The following SUSD1 variants were observed in gnomAD, a reference collection of about 807,000 sequenced individuals.
The protein encoded by SUSD1 is sushi domain-containing protein 1.
A neutral mutation model predicts 86.9 loss-of-function variants in SUSD1; 65 were observed. The ratio of observed to expected loss-of-function variants is 0.75; its 90% CI spans 0.61 to 0.92. The LOEUF (loss-of-function observed/expected upper bound fraction) is 0.92, where lower values mean the gene tolerates loss of function less well. SUSD1 is among the 40% of genes least tolerant of loss of function. The pLI, the probability that SUSD1 is intolerant of heterozygous loss-of-function variation, is 0.00. For missense variants in SUSD1, 850 were observed against 929.7 expected (o/e 0.91, Z 1.11); for synonymous variants, 346 against 350.0 (o/e 0.99, Z 0.13).
chr9:112,058,008 T>C (rs1047994028), intron 14 of SUSD1, among the ~76,000 whole-genome samples: 3 of 152,200 alleles, frequency 2.0e-5, no homozygotes, highest in Admixed American at 6.5e-5. Context: ...ATGCCATAGC[T>C]GCGGAAGGGA....
In SUSD1 at chr9:112,058,650, T is replaced by C. The variant is rs1317478543; in HGVS notation, c.1887A>G (p.Gln629=). 1.2e-6 allele frequency: 2 copies of C among 1,614,092 alleles called. No homozygotes were observed. The highest frequency in any genetic ancestry group is 1.3e-5 in the African/African-American group (1 of 75,032). Reference sequence around the variant, plus strand: ...CTTCAGAATCACAAGAAAATGTGCTTTGGAGGGCCAGGGGAAGCACTAACA... The same window carrying C: ...CTTCAGAATCACAAGAAAATGTGCTCTGGAGGGCCAGGGGAAGCACTAACA... ...YQVLVLPLAL[Q]STFSCDSEGA... The change falls in exon 14 of 17, where the codon CAA becomes CAG. Residue 629 remains glutamine (Q), a synonymous_variant. Transcript: ENST00000374270.
chr9:112,096,183 G>C (rs571715549), intron 10 of SUSD1, among the ~76,000 whole-genome samples: 45 of 152,236 alleles, frequency 3.0e-4, no homozygotes, highest in Admixed American at 2.4e-3. Flanking sequence ...GTAACAACAG[G>C]CTTCTTTCTG....
In SUSD1 at chr9:112,078,816, T is replaced by G; in HGVS notation, c.1567-92A>C. 3.9e-6 allele frequency: 4 copies of G among 1,027,978 alleles called. No individual in the cohort carries two copies. In the African/African-American group the frequency reaches 6.9e-5, roughly 18 times the overall value. 63.7% of individuals were successfully genotyped at this position (1,027,978 alleles called of 1,614,324 possible). On this transcript the variant is annotated intron_variant, in intron 11 of 16. Transcript: ENST00000374270. ...CCCTTTTCCTTTTTCTTTCTCTTTT[T>G]TTTTTTTTTTTTTTGAGATGGGGGC...
chr9:112,061,332 C>T (rs1285335389), intron 13 of SUSD1, among the ~76,000 whole-genome samples: 1 of 152,188 alleles, frequency 6.6e-6, no homozygotes, highest in Non-Finnish European at 1.5e-5. Context: ...TTAGGAAAAC[C>T]ACCCTGCCTG....
intron 12 of SUSD1, among the ~76,000 whole-genome samples, chr9:112,065,448 C>T (rs1416274930): frequency 6.6e-6 from 1 of 152,170 alleles, no homozygotes; most frequent in African/African-American, 2.4e-5. Flanking sequence ...TTGCTTGAAG[C>T]TGGGAGGCAG....
At chr9:112,068,654 A>G (rs1829101298) in intron 12 of SUSD1, among the ~76,000 whole-genome samples, 1 of 151,194 alleles carries the variant, frequency 6.6e-6, no homozygotes, top group South Asian at 2.1e-4. Context: ...GTGAGCCAAG[A>G]TTGCACCACT....
Position 112,041,257 on chromosome 9 carries a change from A to G in SUSD1, c.*235T>C, listed in dbSNP as rs1827722470. On this transcript the variant is annotated 3_prime_UTR_variant, in exon 17 of 17. Transcript: ENST00000374270. Reference sequence around the variant, plus strand: ...AGGAGTCTCAAGTTCATTGCACAGAACTGGTCCTGTAGCAGGGAAGACTCA... The same window carrying G: ...AGGAGTCTCAAGTTCATTGCACAGAGCTGGTCCTGTAGCAGGGAAGACTCA... 1 of 613,396 alleles carries G rather than the reference A, an allele frequency of 1.6e-6. No individual in the cohort carries two copies. Among genetic ancestry groups the G allele is most frequent in the Admixed American group, 2.8e-5 (1 of 35,588 alleles). The allele number at this position is 613,396 out of a possible 1,614,324, so 38.0% of individuals were successfully genotyped here.
intron 12 of SUSD1, among the ~76,000 whole-genome samples, chr9:112,070,458 C>G (rs1487991500): frequency 4.6e-5 from 7 of 152,196 alleles, no homozygotes; most frequent in Non-Finnish European, 8.8e-5. Flanking sequence ...AAACTGATGT[C>G]CTGGGTAGAC....
At chr9:112,087,714 A>G (rs929477329) in intron 10 of SUSD1, among the ~76,000 whole-genome samples, 3 of 152,234 alleles carry the variant, frequency 2.0e-5, no homozygotes, top group Non-Finnish European at 4.4e-5. Flanking sequence ...GGTCAAAAAT[A>G]AAGTGAATGA....
rs1218111019 is a variant in SUSD1 at position 112,175,031 on chromosome 9, C to T, written c.103+102G>A. 1.2e-5 allele frequency: 11 copies of T among 915,414 alleles called. No individual in the cohort carries two copies. The highest frequency in any genetic ancestry group is 3.9e-6 in the Non-Finnish European group (3 of 765,150). 56.7% of individuals were successfully genotyped at this position (915,414 alleles called of 1,614,324 possible). On this transcript the variant is annotated intron_variant, in intron 1 of 16. Coordinates refer to ENST00000374270, the MANE Select transcript of SUSD1 (RefSeq NM_022486.5). The surrounding 1 kb of genome is among the most constrained non-coding windows in gnomAD (Gnocchi z 4.7). ...CTGCGCCCCACGCCTCGGCACCGCG[C>T]CGGCCCGGCCCAGGGGCGGGGAAGC...
At chr9:112,098,880 C>A (rs575471900) in intron 9 of SUSD1, among the ~76,000 whole-genome samples, 16 of 152,330 alleles carry the variant, frequency 1.1e-4, no homozygotes, top group Admixed American at 3.3e-4. Context: ...GCTTAATATG[C>A]ATAACTACAT....
At chr9:112,049,977 T>A (rs1013577005) in intron 15 of SUSD1, among the ~76,000 whole-genome samples, 3 of 152,202 alleles carry the variant, frequency 2.0e-5, no homozygotes, top group Non-Finnish European at 4.4e-5. Flanking sequence ...CAGCCAGCTC[T>A]TTGGCGATTT....
chr9:112,103,267 A>T (rs1363005657), intron 8 of SUSD1: 1 of 347,122 alleles, frequency 2.9e-6, no homozygotes, highest in Non-Finnish European at 5.7e-6. Flanking sequence ...CAGCTGGGGA[A>T]AATATTCCTG....
chr9:112,148,131 A>G (rs1832885480), intron 3 of SUSD1, among the ~76,000 whole-genome samples: 2 of 152,180 alleles, frequency 1.3e-5, no homozygotes. Context: ...TTTCCTGAAA[A>G]CCTTTAAATA....
intron 2 of SUSD1, among the ~76,000 whole-genome samples, chr9:112,152,600 G>A (rs1833105486): frequency 6.7e-6 from 1 of 148,324 alleles, no homozygotes; most frequent in African/African-American, 2.5e-5. Context: ...ACAGATGGAG[G>A]GGTCTCAATA....
chr9:112,074,316 G>A (rs1829416419), intron 12 of SUSD1, among the ~76,000 whole-genome samples: 2 of 152,174 alleles, frequency 1.3e-5, no homozygotes, highest in Admixed American at 1.3e-4. Flanking sequence ...TCCTCACCCT[G>A]TCCTAAAGGG....
chr9:112,067,684 G>A (rs1829050332), intron 12 of SUSD1, among the ~76,000 whole-genome samples: 1 of 152,162 alleles, frequency 6.6e-6, no homozygotes, highest in South Asian at 2.1e-4. Flanking sequence ...ATCCCCTTTA[G>A]ACCCTGGACT....
chr9:112,096,040 C>T lies in SUSD1; in HGVS notation c.1474+2430G>A, dbSNP rs144072573. On this transcript the variant is annotated intron_variant, in intron 10 of 16. Coordinates refer to ENST00000374270, the MANE Select transcript of SUSD1 (RefSeq NM_022486.5). Reference sequence around the variant, plus strand: ...GTCAAAATGAATCCAACTACCCTGACGAGAAGACATTTCCCAATTTAAGTT... The same window carrying T: ...GTCAAAATGAATCCAACTACCCTGATGAGAAGACATTTCCCAATTTAAGTT... 3.9e-3 allele frequency among the ~76,000 whole-genome samples: 594 copies of T among 152,244 alleles called. 11 individuals are homozygous for T. Among genetic ancestry groups the T allele is most frequent in the Middle Eastern group, 6.8e-3 (2 of 294 alleles).
At chr9:112,050,762 G>A (rs1257025122) in intron 15 of SUSD1, among the ~76,000 whole-genome samples, 6 of 152,154 alleles carry the variant, frequency 3.9e-5, no homozygotes, top group Admixed American at 3.9e-4. Flanking sequence ...TGGAATTCCT[G>A]GGAATCAAAT....
Sources: allele counts gnomAD v4.1 joint callset (sites outside exome capture counted in the v4.1 genomes callset), GRCh38; gene constraint gnomAD v4.1.1; non-coding constraint Gnocchi (gnomAD v3.1); transcripts MANE v1.5; gene names NCBI Gene and HGNC (gene_info 2026-07-23, HGNC 2026-07-21).